Variants in FHL1 observed in about 807,000 individuals in gnomAD.
The protein encoded by FHL1 is four and a half LIM domains 1, also known as four and a half LIM domains protein 1.
A neutral mutation model predicts 20.3 loss-of-function variants in FHL1; 1 was observed. The ratio of observed to expected loss-of-function variants is 0.05; its 90% CI spans 0.02 to 0.23. The LOEUF is 0.23. Among genes scored for constraint, FHL1 ranks in the 10% least tolerant of loss-of-function variants. The pLI is 1.00. For synonymous variants in FHL1, 82 were observed against 88.9 expected (o/e 0.92, Z 0.44); for missense variants, 177 against 234.0 (o/e 0.76, Z 1.59).
rs749478706 is a variant in FHL1, at chrX:136,207,714, G to A, written c.380-78G>A. On this transcript the variant is annotated intron_variant, in intron 3 of 5. Coordinates refer to ENST00000370683, the MANE Select transcript of FHL1 (RefSeq NM_001159699.2). The stretch of plus-strand genomic sequence containing the variant: ...GCCTGCATCCCCTCACCTCTGGAGG[G>A]CCTGGGGAGGGGAGCTGAGTGGATG... The A allele has an allele frequency of 2.0e-4, 221 of 1,086,367 alleles. 1 individual carries two copies. The South Asian group carries it at 3.9e-3, about 19-fold the overall frequency. 89.5% of individuals were successfully genotyped at this position (1,086,367 alleles called of 1,213,427 possible).
chrX:136,155,724 G>T (rs1352750501), intron 1 of FHL1, among the ~76,000 whole-genome samples: 1 of 110,549 alleles, frequency 9.0e-6, no homozygotes, highest in Admixed American at 9.6e-5. Context: ...TTAAACCACA[G>T]ATTTACTTGT....
intron 1 of FHL1, among the ~76,000 whole-genome samples, chrX:136,150,998 A>C (rs2148258334): frequency 8.9e-6 from 1 of 112,629 alleles, no homozygotes; most frequent in East Asian, 2.8e-4. Context: ...AATTATGGAT[A>C]GTAATGGATG....
intron 2 of FHL1, among the ~76,000 whole-genome samples, chrX:136,187,804 T>C (rs1190529148): frequency 8.9e-6 from 1 of 111,767 alleles, no homozygotes; most frequent in African/African-American, 3.3e-5. Flanking sequence ...ATTATGAATA[T>C]ACTAAAAGCT....
At chrX:136,184,537 T>C (rs777261482) in intron 2 of FHL1, among the ~76,000 whole-genome samples, 1 of 112,016 alleles carries the variant, frequency 8.9e-6, no homozygotes, top group Non-Finnish European at 1.9e-5. Context: ...AGCTAGACTT[T>C]AAATAAAACT....
chrX:136,163,167 C>T (rs1240167523), intron 1 of FHL1, among the ~76,000 whole-genome samples: 1 of 112,399 alleles, frequency 8.9e-6, no homozygotes, highest in Non-Finnish European at 1.9e-5. Flanking sequence ...CATTAAGATT[C>T]AACACCTGAA....
upstream of FHL1, among the ~76,000 whole-genome samples, chrX:136,169,028 C>T (rs2072785987): frequency 8.9e-6 from 1 of 111,750 alleles, no homozygotes; most frequent in African/African-American, 3.3e-5. Flanking sequence ...ACTGTCTTTT[C>T]CTCAGATTTC....
rs2073980163 is a variant in FHL1 at position 136,210,396 on chromosome X, C to T, written c.*371C>T. The T allele has an allele frequency of 5.0e-6, 2 of 397,454 alleles. No homozygotes were observed. Among genetic ancestry groups the T allele is most frequent in the Middle Eastern group, 7.1e-4 (1 of 1,402 alleles). 32.8% of individuals were successfully genotyped at this position (397,454 alleles called of 1,213,427 possible). A position where few individuals can be genotyped will look rare whatever the true frequency, so the allele number is the denominator to read the frequency against. On this transcript the variant is annotated 3_prime_UTR_variant, in exon 6 of 6. Transcript: ENST00000370683. ...CACTGAGATGCCTCTCATGCCTCAG[C>T]TGGGACCCACCGTGTAGACACACGA...
chrX:136,169,530 G>A (rs866179874), upstream of FHL1: 1 of 210,817 alleles, frequency 4.7e-6, no homozygotes. Context: ...GAAAAAAAAA[G>A]GCTCAACTAA....
chrX:136,186,848 C>A (rs1231288643), intron 2 of FHL1, among the ~76,000 whole-genome samples: 2 of 59,694 alleles, frequency 3.4e-5, no homozygotes, highest in Non-Finnish European at 3.1e-5. Context: ...AGCGAGACTC[C>A]ATCTCAAAAA....
rs886042893 is a variant in FHL1, at chrX:136,209,321, C to T, written c.737-550C>T. The T allele has an allele frequency of 8.3e-7, 1 of 1,211,299 alleles. No individual in the cohort carries two copies. Among genetic ancestry groups the T allele is most frequent in the Non-Finnish European group, 1.1e-6 (1 of 895,247 alleles). ...CCAGTGTGCCACGGGAAACGCTTGC[C>T]TCTCACCCTGTTTCCCAGCGCCAAC... On this transcript the variant is annotated intron_variant, in intron 5 of 5. Coordinates refer to ENST00000370683, the MANE Select transcript of FHL1 (RefSeq NM_001159699.2).
intron 1 of FHL1, among the ~76,000 whole-genome samples, chrX:136,202,464 T>C (rs994986148): frequency 3.8e-4 from 42 of 111,892 alleles, no homozygotes; most frequent in African/African-American, 1.3e-3. Flanking sequence ...GGCTCATGCC[T>C]GTAACCCCTG....
At chrX:136,207,482 TC>T in intron 3 of FHL1, 1 of 429,454 alleles carries the variant, frequency 2.3e-6, no homozygotes, top group Non-Finnish European at 4.1e-6. Flanking sequence ...GCATGCTTCT[TC>T]CTCAGGGTGT....
intron 1 of FHL1, among the ~76,000 whole-genome samples, chrX:136,199,016 T>G (rs1022653918): frequency 9.0e-6 from 1 of 111,636 alleles, no homozygotes; most frequent in Non-Finnish European, 1.9e-5. Flanking sequence ...AGAGTGAAAC[T>G]GAACATTTTG....
chrX:136,180,555 C>T (rs2073127599), intron 2 of FHL1, among the ~76,000 whole-genome samples: 1 of 111,727 alleles, frequency 9.0e-6, no homozygotes, highest in South Asian at 3.8e-4. Flanking sequence ...TATTGTATTC[C>T]ATGGAACCCT....
rs12556951 is a variant in FHL1 at position 136,155,792 on chromosome X, G to A, written c.-101+8164G>A. On this transcript the variant is annotated intron_variant, in intron 1 of 7. Coordinates refer to the FHL1 transcript ENST00000394155. ...CACAGATAGGAAATACCTGTGGACTGTTTGAAATGCAGTGAAACCTAGAAA... is the reference window on the plus strand; with the variant it reads ...CACAGATAGGAAATACCTGTGGACTATTTGAAATGCAGTGAAACCTAGAAA... 8.6e-3 allele frequency among the ~76,000 whole-genome samples: 807 copies of A among 93,382 alleles called. 8 individuals carry two copies. The highest frequency in any genetic ancestry group is 0.022 in the Admixed American group (177 of 8,112). 81.1% of individuals were successfully genotyped at this position (93,382 alleles called of 115,157 possible).
At chrX:136,161,548 C>G (rs2072567129) in intron 1 of FHL1, among the ~76,000 whole-genome samples, 1 of 111,389 alleles carries the variant, frequency 9.0e-6, no homozygotes, top group African/African-American at 3.3e-5. Flanking sequence ...TTTAAAACCC[C>G]CCTAAATTTT....
intron 2 of FHL1, among the ~76,000 whole-genome samples, chrX:136,183,508 A>G (rs2073215646): frequency 8.9e-6 from 1 of 112,127 alleles, no homozygotes; most frequent in Non-Finnish European, 1.9e-5. Context: ...TTAAAACTAT[A>G]TCTAGTTTCC....
At chrX:136,178,492 A>T (rs980687093) in intron 2 of FHL1, among the ~76,000 whole-genome samples, 4 of 110,945 alleles carry the variant, frequency 3.6e-5, no homozygotes, top group Non-Finnish European at 3.8e-5. Context: ...GCTACTCAGG[A>T]GGCTGAGGCA....
chrX:136,188,326 G>A (rs906795663), intron 2 of FHL1, among the ~76,000 whole-genome samples: 8 of 111,431 alleles, frequency 7.2e-5, no homozygotes, highest in Admixed American at 6.7e-4. Flanking sequence ...GAGGAGGTAC[G>A]GAGCCTCAGA....
Sources: gnomAD v4.1 joint callset for allele counts (sites outside exome capture counted in the v4.1 genomes callset) on GRCh38, gnomAD v4.1.1 for gene constraint, MANE v1.5 for transcripts, NCBI Gene and HGNC (gene_info 2026-07-23, HGNC 2026-07-21) for gene names.